The following RELN variants were observed in gnomAD, a reference collection of about 807,000 sequenced individuals.
RELN encodes reelin.
A neutral mutation model predicts 427.6 loss-of-function variants in RELN; 108 were observed. The ratio of observed to expected loss-of-function variants is 0.25; its 90% confidence interval spans 0.22 to 0.30. The LOEUF (loss-of-function observed/expected upper bound fraction) is 0.30. Among genes scored for constraint, RELN ranks in the 10% least tolerant of loss-of-function variants. RELN has a pLI of 1.00. For synonymous variants in RELN, 1,524 were observed against 1,513.4 expected (o/e 1.01, Z -0.16); for missense variants, 3,715 against 4,302.8 (o/e 0.86, Z 3.82).
intron 27 of RELN, among the ~76,000 whole-genome samples, chr7:103,592,601 T>G (rs902753484): frequency 6.6e-6 from 1 of 152,212 alleles, no homozygotes; most frequent in African/African-American, 2.4e-5. Flanking sequence ...CTAAGCAGTG[T>G]GCATTCCTGA....
chr7:103,551,322 C>G, intron 40 of RELN, 26 bp from the exon 41 acceptor site: 1 of 1,513,422 alleles, frequency 6.6e-7, no homozygotes, highest in East Asian at 2.3e-5. Flanking sequence ...AAAAATGATA[C>G]AAATTACCTC....
chr7:103,559,121 T>C (rs1200465388), intron 36 of RELN, among the ~76,000 whole-genome samples: 2 of 152,208 alleles, frequency 1.3e-5, no homozygotes, highest in Non-Finnish European at 2.9e-5. Context: ...TATTCTCATA[T>C]TGCAGATAAG....
intron 11 of RELN, among the ~76,000 whole-genome samples, chr7:103,662,440 T>C (rs1833164002): frequency 6.6e-6 from 1 of 151,740 alleles, no homozygotes; most frequent in Non-Finnish European, 1.5e-5. Context: ...GCTAACAGGG[T>C]GAAACCCCAT....
At chr7:103,768,776 G>A (rs1164101501) in intron 4 of RELN, among the ~76,000 whole-genome samples, 1 of 152,178 alleles carries the variant, frequency 6.6e-6, no homozygotes, top group African/African-American at 2.4e-5. Flanking sequence ...AGCATGTTAA[G>A]GGAGTCAGGC....
chr7:103,696,343 T>A (rs1176126294), intron 10 of RELN, among the ~76,000 whole-genome samples: 2 of 152,142 alleles, frequency 1.3e-5, no homozygotes, highest in Non-Finnish European at 2.9e-5. Flanking sequence ...AGCCCATGAT[T>A]TGAATCCCCA....
At chr7:103,938,294 C>CA (rs34231319) in intron 1 of RELN, among the ~76,000 whole-genome samples, 6 of 149,162 alleles carry the variant, frequency 4.0e-5, no homozygotes, top group Admixed American at 1.3e-4. Context: ...CACTCCATCT[C>CA]AAAAAAAGAA....
intron 46 of RELN, among the ~76,000 whole-genome samples, chr7:103,525,813 T>G (rs1052741370): frequency 1.3e-5 from 2 of 152,116 alleles, no homozygotes; most frequent in Admixed American, 1.3e-4. Context: ...TAAACTTTCT[T>G]GGTTCCCCTA....
chr7:103,735,089 G>T (rs989430421), intron 6 of RELN, among the ~76,000 whole-genome samples: 8 of 151,646 alleles, frequency 5.3e-5, no homozygotes, highest in Admixed American at 4.6e-4. Context: ...AAACATAAAA[G>T]AATCAGTAAA....
rs201133564 is a variant in RELN, at chr7:103,985,147, TATA to T, written c.226+3981_226+3983del. ...ATTGATTTTCCTGTCTGTCTCACAG[TATA>T]ATTTTTTTTTAAAGTGGGAGTAGAT... On this transcript the variant is annotated intron_variant, in intron 1 of 64. Transcript: ENST00000428762. 9.7e-3 allele frequency among the ~76,000 whole-genome samples: 1,481 copies of T among 152,330 alleles called. 21 individuals carry two copies. Among genetic ancestry groups the T allele is most frequent in the African/African-American group, 0.034 (1,402 of 41,576 alleles).
intron 1 of RELN, among the ~76,000 whole-genome samples, chr7:103,950,350 T>TATTA (rs1319385918): frequency 6.6e-6 from 1 of 152,058 alleles, no homozygotes; most frequent in African/African-American, 2.4e-5. Context: ...ATTAACACAT[T>TATTA]ATAATTTAAT....
intron 11 of RELN, among the ~76,000 whole-genome samples, chr7:103,674,539 G>T (rs560886269): frequency 2.0e-4 from 31 of 152,216 alleles, no homozygotes; most frequent in Admixed American, 1.2e-3. Context: ...CTTGGGTGAG[G>T]ATTCCCATGA....
intron 23 of RELN, 23 bp downstream of exon 23, chr7:103,604,323 A>T: frequency 6.2e-7 from 1 of 1,613,574 alleles, no homozygotes; most frequent in Non-Finnish European, 8.5e-7. Flanking sequence ...CATGGACCTC[A>T]TCGTGCTTTC....
intron 22 of RELN, among the ~76,000 whole-genome samples, chr7:103,605,533 A>C (rs552747187): frequency 6.6e-6 from 1 of 152,350 alleles, no homozygotes; most frequent in East Asian, 1.9e-4. Flanking sequence ...GCTATAAAAC[A>C]TTCTTTTAAA....
At chr7:103,474,647 C>G (rs986340495) in intron 64 of RELN, among the ~76,000 whole-genome samples, 3 of 152,058 alleles carry the variant, frequency 2.0e-5, no homozygotes, top group Non-Finnish European at 4.4e-5. Context: ...TTGAACTAAT[C>G]AAGTGTCAAG....
At chr7:103,682,012 T>C (rs1372897293) in intron 11 of RELN, 104 bp downstream of exon 11, 2 of 1,096,868 alleles carry the variant, frequency 1.8e-6, no homozygotes, top group Non-Finnish European at 2.8e-6. Flanking sequence ...TCATCAGTAT[T>C]GATCTAAGTA....
rs988695125 is a variant in RELN, at chr7:103,611,634, G to C, written c.2872C>G (p.Leu958Val). The C allele has an allele frequency of 1.2e-6, 2 of 1,613,444 alleles. No homozygotes were observed. Among genetic ancestry groups the C allele is most frequent in the African/African-American group, 2.7e-5 (2 of 74,810 alleles). ...VKLEYSTNHGLTWHLVQEECL... is the reference protein window; with the variant it reads ...VKLEYSTNHGVTWHLVQEECL... ...ACTTCTTGGACGAGGTGCCAGGTAA[G>C]GCCGTGGTTGGTTGAGTACTCCAGC... The change falls in exon 21 of 65, where the codon CTT becomes GTT. Residue 958 changes from leucine (L) to valine (V), a missense_variant. This residue lies in a region of RELN where 2,208 missense variants were observed against 2,361.7 expected (regional missense o/e 0.93). Transcript: ENST00000428762.
chr7:103,972,125 G>A (rs1362257195), intron 1 of RELN, among the ~76,000 whole-genome samples: 1 of 152,114 alleles, frequency 6.6e-6, no homozygotes, highest in African/African-American at 2.4e-5. Context: ...CTGCAATGTT[G>A]TATGTATTAT....
At chr7:103,515,475 G>T in intron 49 of RELN, 34 bp from the exon 50 acceptor site, 1 of 1,608,086 alleles carries the variant, frequency 6.2e-7, no homozygotes, top group South Asian at 1.1e-5. Flanking sequence ...GTGTGGGGAA[G>T]AACCCTTGTC....
In RELN at chr7:103,835,954, C is replaced by CTT. The variant is rs10569884; in HGVS notation, c.338-2284_338-2283dup. On this transcript the variant is annotated intron_variant, in intron 2 of 64. Coordinates refer to ENST00000428762, the MANE Select transcript of RELN (RefSeq NM_005045.4). ...TCTCTTTACAAAACTCTCAATTACC[C>CTT]TTTTTTTTTTTTTTTTTTATAGGCG... Among the ~76,000 whole-genome samples, 93 of 142,424 alleles carry CTT rather than the reference C, an allele frequency of 6.5e-4. 2 individuals are homozygous for CTT. The highest frequency in any genetic ancestry group is 3.6e-3 in the Middle Eastern group (1 of 274). 93.4% of individuals were successfully genotyped at this position (142,424 alleles called of 152,430 possible). A position where few individuals can be genotyped will look rare whatever the true frequency, so the allele number is the denominator to read the frequency against.
Sources: gnomAD v4.1 joint callset for allele counts (sites outside exome capture counted in the v4.1 genomes callset) on GRCh38, gnomAD v4.1.1 for gene constraint, gnomAD v4.1.1 regional missense constraint, MANE v1.5 for transcripts, NCBI Gene and HGNC (gene_info 2026-07-23, HGNC 2026-07-21) for gene names.